AGBL1: variants seen among roughly 807,000 people sequenced by gnomAD.
AGBL1 encodes the protein AGBL carboxypeptidase 1, also known as cytosolic carboxypeptidase 4.
A neutral mutation model predicts 118.9 loss-of-function variants in AGBL1; 130 were observed. That is an observed-to-expected ratio of 1.09 (90% CI 0.95 to 1.26). The LOEUF is 1.26. AGBL1 is among the 50% of genes most tolerant of loss of function. The pLI is 0.00. For missense variants in AGBL1, 1,584 were observed against 1,298.1 expected (o/e 1.22, Z -3.38); for synonymous variants, 555 against 478.9 (o/e 1.16, Z -2.08).
intron 18 of AGBL1, among the ~76,000 whole-genome samples, chr15:86,469,909 A>G (rs1353076449): frequency 6.6e-6 from 1 of 151,930 alleles, no homozygotes; most frequent in East Asian, 1.9e-4. Flanking sequence ...TCCTTTTGCC[A>G]TTTAAAAAAT....
At chr15:86,940,499 C>G (rs1352562010) in intron 23 of AGBL1, among the ~76,000 whole-genome samples, 1 of 152,046 alleles carries the variant, frequency 6.6e-6, no homozygotes, top group Non-Finnish European at 1.5e-5. Flanking sequence ...ATAATGTTGA[C>G]CACTAAGCCA....
At chr15:86,980,012 T>C (rs1274003824) in intron 23 of AGBL1, among the ~76,000 whole-genome samples, 1 of 152,188 alleles carries the variant, frequency 6.6e-6, no homozygotes, top group African/African-American at 2.4e-5. Flanking sequence ...CTAATGCCCT[T>C]ATCTCCAAAT....
chr15:86,688,332 C>T (rs1369354354), intron 22 of AGBL1, among the ~76,000 whole-genome samples: 1 of 151,904 alleles, frequency 6.6e-6, no homozygotes, highest in African/African-American at 2.4e-5. Flanking sequence ...AGAAACTTGC[C>T]AAGAAGGAAC....
intron 18 of AGBL1, among the ~76,000 whole-genome samples, chr15:86,499,894 C>T (rs1431972217): frequency 6.6e-6 from 1 of 151,778 alleles, no homozygotes; most frequent in Non-Finnish European, 1.5e-5. Flanking sequence ...AATTGTTGTT[C>T]CTCCTTCTTC....
intron 24 of AGBL1, among the ~76,000 whole-genome samples, chr15:87,005,525 T>G: frequency 6.6e-6 from 1 of 152,344 alleles, no homozygotes; most frequent in East Asian, 1.9e-4. Flanking sequence ...TCTCGTGTCA[T>G]GGTTTTCAGC....
intron 23 of AGBL1, among the ~76,000 whole-genome samples, chr15:86,968,337 G>A (rs1275589392): frequency 2.6e-5 from 4 of 151,872 alleles, no homozygotes; most frequent in Non-Finnish European, 5.9e-5. Context: ...ATAGAGCTAA[G>A]GTAATGATTA....
At chr15:86,762,390 C>T (rs1049527470) in intron 22 of AGBL1, among the ~76,000 whole-genome samples, 1 of 151,848 alleles carries the variant, frequency 6.6e-6, no homozygotes, top group Non-Finnish European at 1.5e-5. Flanking sequence ...AAAAATACCC[C>T]CTGCCCCCTG....
intron 22 of AGBL1, among the ~76,000 whole-genome samples, chr15:86,863,550 A>AT (rs1288478910): frequency 6.6e-6 from 1 of 151,920 alleles, no homozygotes; most frequent in Non-Finnish European, 1.5e-5. Context: ...AAAAAAAAAA[A>AT]GCCCTCATTT....
chr15:86,123,546 C>T (rs1898220646), intron 1 of AGBL1, among the ~76,000 whole-genome samples: 1 of 152,100 alleles, frequency 6.6e-6, no homozygotes, highest in South Asian at 2.1e-4. Flanking sequence ...ACCCCGGGAC[C>T]CCTTTGTCTT....
intron 18 of AGBL1, among the ~76,000 whole-genome samples, chr15:86,424,677 TAAAC>T (rs1192757901): frequency 2.0e-5 from 3 of 152,116 alleles, no homozygotes; most frequent in African/African-American, 7.2e-5. Context: ...ACAAGGAACT[TAAAC>T]AAATTTACAA....
chr15:86,116,770 A>G (rs1036866320), intron 1 of AGBL1: 3 of 152,126 alleles, frequency 2.0e-5, no homozygotes, highest in Non-Finnish European at 4.4e-5. Context: ...CTTAGACTGA[A>G]TTCTATTGGG....
chr15:86,996,638 G>C (rs1036405588), intron 24 of AGBL1, among the ~76,000 whole-genome samples: 1 of 152,122 alleles, frequency 6.6e-6, no homozygotes. Context: ...GAGTAGAATT[G>C]CTGGCTTTGA....
chr15:86,202,149 A>G (rs1337895538), intron 5 of AGBL1, among the ~76,000 whole-genome samples: 1 of 151,956 alleles, frequency 6.6e-6, no homozygotes, highest in Non-Finnish European at 1.5e-5. Flanking sequence ...AAAAATTAGC[A>G]AGGCATGGTG....
At chr15:86,459,457 T>C (rs1260438691) in intron 18 of AGBL1, among the ~76,000 whole-genome samples, 1 of 152,196 alleles carries the variant, frequency 6.6e-6, no homozygotes, top group Non-Finnish European at 1.5e-5. Context: ...ATGTGGTGAT[T>C]AAATCTTTAT....
chr15:86,518,590 C>T (rs1262112486), intron 18 of AGBL1, among the ~76,000 whole-genome samples: 2 of 152,032 alleles, frequency 1.3e-5, no homozygotes, highest in Non-Finnish European at 2.9e-5. Context: ...CCACAAAAAC[C>T]TCAGTTTTAA....
intron 5 of AGBL1, among the ~76,000 whole-genome samples, chr15:86,201,080 C>T (rs955204846): frequency 6.6e-6 from 1 of 151,946 alleles, no homozygotes. Context: ...GATACACATG[C>T]ATAAATATGT....
chr15:86,271,884 C>T lies in AGBL1; in HGVS notation c.2075+178C>T, dbSNP rs552926848. On this transcript the variant is annotated intron_variant, in intron 15 of 22. Transcript: ENST00000614907. ...AGAGATATAAGCATATTCACTGGCA[C>T]GCACAGTAGACCTCGAGAAATACCT... 1.5e-4 allele frequency among the ~76,000 whole-genome samples: 23 copies of T among 152,294 alleles called. No homozygotes were observed. In the South Asian group the frequency reaches 2.7e-3, roughly 18 times the overall value.
intron 1 of AGBL1, among the ~76,000 whole-genome samples, chr15:86,114,737 G>T (rs1897648282): frequency 6.6e-6 from 1 of 152,156 alleles, no homozygotes; most frequent in Non-Finnish European, 1.5e-5. Context: ...TATGCTAGCT[G>T]AGCTTGGTGC....
chr15:86,694,919 C>T (rs2086230818), intron 22 of AGBL1, among the ~76,000 whole-genome samples: 1 of 151,946 alleles, frequency 6.6e-6, no homozygotes, highest in Admixed American at 6.6e-5. Flanking sequence ...TATATTAAAC[C>T]ATTCCTGCAT....
Sources: allele counts gnomAD v4.1 joint callset (sites outside exome capture counted in the v4.1 genomes callset), GRCh38; gene constraint gnomAD v4.1.1; transcripts MANE v1.5; gene names NCBI Gene and HGNC (gene_info 2026-07-23, HGNC 2026-07-21).